The following CSMD2 variants were observed in gnomAD, a reference collection of about 807,000 sequenced individuals.
CSMD2 encodes the protein CUB and sushi domain-containing protein 2.
A neutral mutation model predicts 398.5 loss-of-function variants in CSMD2; 130 were observed. That is an observed-to-expected ratio of 0.33 (90% CI 0.28 to 0.38). The LOEUF (loss-of-function observed/expected upper bound fraction) is 0.38, where lower values mean the gene tolerates loss of function less well. CSMD2 is among the 10% of genes least tolerant of loss of function. The pLI, the probability that CSMD2 is intolerant of heterozygous loss-of-function variation, is 1.00. For synonymous variants in CSMD2, 1,828 were observed against 1,908.5 expected, an observed-to-expected ratio of 0.96 and a Z score of 1.10; for missense variants, 3,829 against 4,764.9, an observed-to-expected ratio of 0.80 and a Z score of 5.78.
intron 2 of CSMD2, among the ~76,000 whole-genome samples, chr1:34,086,702 C>A (rs1657924241): frequency 6.6e-6 from 1 of 152,186 alleles, no homozygotes; most frequent in African/African-American, 2.4e-5. Flanking sequence ...TTCTTCTCTG[C>A]CCTGAACAGC....
intron 25 of CSMD2, among the ~76,000 whole-genome samples, chr1:33,673,719 G>A (rs1317806332): frequency 1.3e-5 from 2 of 152,160 alleles, no homozygotes; most frequent in East Asian, 1.9e-4. Flanking sequence ...GAGAAAGGTC[G>A]GGTTACCCAC....
chr1:34,145,467 C>T (rs1194295691), intron 1 of CSMD2, among the ~76,000 whole-genome samples: 1 of 152,202 alleles, frequency 6.6e-6, no homozygotes, highest in Non-Finnish European at 1.5e-5. Flanking sequence ...TGCTAATGAA[C>T]CTCCTCCCTG....
chr1:33,656,694 A>G (rs1023182027), intron 27 of CSMD2, among the ~76,000 whole-genome samples: 6 of 152,242 alleles, frequency 3.9e-5, no homozygotes, highest in African/African-American at 9.6e-5. Flanking sequence ...GAGGCTTTGC[A>G]TTCAGACTGG....
Position 33,611,129 on chromosome 1 carries a change from G to A in CSMD2, c.6255C>T (p.Ser2085=), listed in dbSNP as rs771048681. ...MGRFSGSELP[S]SLLSTSHETT... is the part of the protein sequence containing the mutation. ...TCTCGTGGGACGTGGAGAGGAGGGA[G>A]CTTGGAAGCTCGCTTCCACTGAATC... Residue 2085 remains serine, a synonymous_variant, in exon 41 of 71, where the codon AGC becomes AGT. Coordinates refer to ENST00000373381, the MANE Select transcript of CSMD2 (RefSeq NM_001281956.2). 6.2e-7 allele frequency: 1 copy of A among 1,614,088 alleles called. No homozygotes were observed.
chr1:33,740,155 A>T (rs1478176614), intron 14 of CSMD2, among the ~76,000 whole-genome samples: 3 of 152,176 alleles, frequency 2.0e-5, no homozygotes, highest in Non-Finnish European at 4.4e-5. Flanking sequence ...GTAAGTGCTC[A>T]CTGAAGATGA....
chr1:34,112,007 TCTC>T (rs1661139312), intron 1 of CSMD2, among the ~76,000 whole-genome samples: 5 of 151,522 alleles, frequency 3.3e-5, no homozygotes, highest in Middle Eastern at 3.2e-3. Flanking sequence ...TCTCTCTCTC[TCTC>T]TCTCTCTCTT....
chr1:33,990,507 C>G (rs1558211775), intron 3 of CSMD2, among the ~76,000 whole-genome samples: 1 of 152,080 alleles, frequency 6.6e-6, no homozygotes, highest in South Asian at 2.1e-4. Flanking sequence ...ACTTTCTGCA[C>G]GTGGAAAGCC....
chr1:34,086,571 C>T (rs1178836758), intron 2 of CSMD2, among the ~76,000 whole-genome samples: 2 of 152,284 alleles, frequency 1.3e-5, no homozygotes, highest in East Asian at 1.9e-4. Flanking sequence ...TCATCCTCAT[C>T]TCCTTTCTCC....
intron 2 of CSMD2, among the ~76,000 whole-genome samples, chr1:34,055,127 A>T (rs1244778753): frequency 6.6e-6 from 1 of 152,134 alleles, no homozygotes; most frequent in Non-Finnish European, 1.5e-5. Context: ...TTCTCCCAGC[A>T]GTCATCCACT....
intron 53 of CSMD2, among the ~76,000 whole-genome samples, chr1:33,562,687 T>C (rs1329260256): frequency 6.6e-6 from 1 of 152,146 alleles, no homozygotes; most frequent in African/African-American, 2.4e-5. Context: ...AAGGGGTATG[T>C]TTTAGATGAG....
At chr1:34,053,257 A>C (rs1653423770) in intron 2 of CSMD2, among the ~76,000 whole-genome samples, 1 of 152,162 alleles carries the variant, frequency 6.6e-6, no homozygotes, top group Non-Finnish European at 1.5e-5. Context: ...TAGGATAATA[A>C]TTGATACCGT....
intron 15 of CSMD2, among the ~76,000 whole-genome samples, chr1:33,730,617 GA>G (rs59364675): frequency 0.4 from 55,380 of 138,048 alleles, 12,203 homozygotes; most frequent in African/African-American, 0.65. Flanking sequence ...AAAAAGAAAT[GA>G]AAAAAAAAAA....
chr1:33,612,205 C>T (rs367723598), intron 40 of CSMD2, among the ~76,000 whole-genome samples: 6 of 152,118 alleles, frequency 3.9e-5, no homozygotes, highest in Non-Finnish European at 7.3e-5. Flanking sequence ...TATCGCTGCA[C>T]GATGAGATTA....
At chr1:33,870,101 T>C (rs1006213904) in intron 5 of CSMD2, 4 of 152,124 alleles carry the variant, frequency 2.6e-5, no homozygotes, top group Admixed American at 6.5e-5. Flanking sequence ...CCTGGGCCTT[T>C]AAGATAGGAA....
At chr1:34,060,007 T>C (rs1654284726) in intron 2 of CSMD2, among the ~76,000 whole-genome samples, 4 of 152,184 alleles carry the variant, frequency 2.6e-5, no homozygotes, top group Non-Finnish European at 4.4e-5. Context: ...ATGGCTGCGA[T>C]TGGCTCCTTG....
chr1:33,964,546 G>A (rs749027229), intron 3 of CSMD2, among the ~76,000 whole-genome samples: 2 of 152,206 alleles, frequency 1.3e-5, no homozygotes, highest in Non-Finnish European at 2.9e-5. Context: ...CCAGGTTTCT[G>A]ACTTGTTTTG....
In CSMD2 at chr1:33,596,121, C is replaced by T. The variant is rs139654164; in HGVS notation, c.6856+4744G>A. The stretch of plus-strand genomic sequence containing the variant: ...GACACCTGCCTTCTATTGTCCTTGA[C>T]GTATTAACGTATTCGATCAGTCACC... On this transcript the variant is annotated intron_variant, in intron 44 of 70. Transcript: ENST00000373381. Among the ~76,000 whole-genome samples the T allele has an allele frequency of 3.0e-3, 450 of 152,306 alleles. 3 individuals carry two copies. The highest frequency in any genetic ancestry group is 0.01 in the Middle Eastern group (3 of 294).
At chr1:33,769,934 G>A (rs959272089) in intron 13 of CSMD2, among the ~76,000 whole-genome samples, 1 of 152,128 alleles carries the variant, frequency 6.6e-6, no homozygotes, top group African/African-American at 2.4e-5. Flanking sequence ...ATTTATGAGC[G>A]CTTTGTAAAA....
rs767240114 is a variant in CSMD2, at chr1:33,559,376, C to T, written c.8478G>A (p.Gly2826=). The T allele has an allele frequency of 5.2e-6, 8 of 1,536,130 alleles. 1 individual carries two copies. The South Asian group carries it at 7.1e-5, about 14-fold the overall frequency. The part of the protein sequence containing the change: ...NDVVKFVCNP[G]YMAEGAARSQ... The stretch of plus-strand genomic sequence containing the variant: ...ACCTAGCAGCCCCCTCAGCCATATA[C>T]CCAGGGTTGCAAACAAACTTGACCA... Residue 2826 remains glycine (G), a synonymous_variant, in exon 54 of 71, where the codon GGG becomes GGA. Transcript: ENST00000373381. The surrounding 1 kb of genome is among the most constrained non-coding windows in gnomAD (Gnocchi z 4.0).
Sources: gnomAD v4.1 joint callset for allele counts (sites outside exome capture counted in the v4.1 genomes callset) on GRCh38, gnomAD v4.1.1 for gene constraint, Gnocchi (gnomAD v3.1) non-coding constraint, MANE v1.5 for transcripts, NCBI Gene and HGNC (gene_info 2026-07-23, HGNC 2026-07-21) for gene names.